Variants in PFKFB3 observed in about 807,000 individuals in gnomAD.
PFKFB3 encodes 6-phosphofructo-2-kinase/fructose-2,6-bisphosphatase 3.
PFKFB3 carries 33 observed loss-of-function variants against 68.0 expected under a neutral mutation model. The ratio of observed to expected loss-of-function variants is 0.49; its 90% CI spans 0.37 to 0.65. The LOEUF is 0.65. Ranked by LOEUF, PFKFB3 falls within the 30% of genes least tolerant of loss-of-function variation. The pLI is 0.00. For missense variants in PFKFB3, 586 were observed against 712.2 expected, an observed-to-expected ratio of 0.82 and a Z score of 2.02; for synonymous variants, 315 against 288.2, an observed-to-expected ratio of 1.09 and a Z score of -0.94.
rs949717562 is a variant in PFKFB3, at chr10:6,233,134, C to T, written c.*192C>T. ...TCGGCCGCTGGACACCAGAAAGCCA[C>T]GTGGGTCCCTGGCGCCCTGCCTTTA... On this transcript the variant is annotated 3_prime_UTR_variant, in exon 15 of 15. Transcript: ENST00000379775. The T allele has an allele frequency of 5.3e-5, 30 of 567,682 alleles. No individual in the cohort carries two copies. Among genetic ancestry groups the T allele is most frequent in the Admixed American group, 1.2e-4 (4 of 33,174 alleles). 35.2% of individuals were successfully genotyped at this position (567,682 alleles called of 1,614,324 possible).
the PFKFB3 span, among the ~76,000 whole-genome samples, chr10:6,318,526 C>G: frequency 7.9e-5 from 12 of 152,312 alleles, no homozygotes; most frequent in South Asian, 2.1e-4. Flanking sequence ...CCTCTGCCTG[C>G]ACGCCCGAGG....
chr10:6,253,314 G>GT (rs1211733563), intron 14 of PFKFB3, among the ~76,000 whole-genome samples: 15 of 152,336 alleles, frequency 9.8e-5, no homozygotes, highest in African/African-American at 3.6e-4. Flanking sequence ...AGGCTTGACT[G>GT]TTAGTCTTCT....
rs1017218260 is a variant in PFKFB3, at chr10:6,196,567, G to A, written c.17-17056G>A. 2.6e-5 allele frequency among the ~76,000 whole-genome samples: 4 copies of A among 152,158 alleles called. No homozygotes were observed. In the South Asian group the frequency reaches 6.2e-4, roughly 24 times the overall value. On this transcript the variant is annotated intron_variant, in intron 1 of 14. Transcript: ENST00000379789. ...CCCAAAGCTGAAGAATTTGGAGTCTGATGTTTGAGGGCAGGAAGCATTCAG... is the reference window on the plus strand; with the variant it reads ...CCCAAAGCTGAAGAATTTGGAGTCTAATGTTTGAGGGCAGGAAGCATTCAG...
At chr10:6,231,469 T>C (rs1314885678) in intron 14 of PFKFB3, 2 of 985,208 alleles carry the variant, frequency 2.0e-6, no homozygotes, top group Non-Finnish European at 2.4e-6. Flanking sequence ...CTAGTCTGTC[T>C]CTCACCCCCC....
the PFKFB3 span, among the ~76,000 whole-genome samples, chr10:6,302,541 C>A: frequency 6.7e-6 from 1 of 150,174 alleles, no homozygotes; most frequent in Admixed American, 6.7e-5. Flanking sequence ...GCCACCACAC[C>A]CAGCTAATTT....
At chr10:6,185,792 AC>A (rs1842854200) in intron 1 of PFKFB3, among the ~76,000 whole-genome samples, 2 of 151,946 alleles carry the variant, frequency 1.3e-5, no homozygotes, top group Middle Eastern at 3.4e-3. Context: ...GGCACCCACC[AC>A]CACGCCCAGC....
intron 1 of PFKFB3, among the ~76,000 whole-genome samples, chr10:6,170,915 G>A (rs887194731): frequency 1.1e-4 from 16 of 152,164 alleles, no homozygotes; most frequent in Non-Finnish European, 1.6e-4. Flanking sequence ...GGTCCCCAGG[G>A]GAAATCTGCC....
Position 6,175,572 on chromosome 10 carries a change from C to T in PFKFB3, c.16+30559C>T, listed in dbSNP as rs149445838. ...AACCTGGCTGGCTGGCTCCAGGGCCCGGGCTCTTATCCGGGAACAGTGTTG... is the reference window on the plus strand; with the variant it reads ...AACCTGGCTGGCTGGCTCCAGGGCCTGGGCTCTTATCCGGGAACAGTGTTG... On this transcript the variant is annotated intron_variant, in intron 1 of 14. Transcript: ENST00000379789. Among the ~76,000 whole-genome samples the T allele has an allele frequency of 1.1e-4, 16 of 152,284 alleles. No homozygotes were observed. In the East Asian group the frequency reaches 1.5e-3, roughly 15 times the overall value.
chr10:6,266,688 A>G, the PFKFB3 span, among the ~76,000 whole-genome samples: 1 of 152,188 alleles, frequency 6.6e-6, no homozygotes, highest in Non-Finnish European at 1.5e-5. Flanking sequence ...ATTCAATGCA[A>G]ATGTTCTTCT....
chr10:6,266,067 G>A, the PFKFB3 span, among the ~76,000 whole-genome samples: 1 of 151,764 alleles, frequency 6.6e-6, no homozygotes, highest in Non-Finnish European at 1.5e-5. Context: ...TGTGCCCCAC[G>A]CCTGGTTATT....
At chr10:6,256,356 AC>A (rs1846496371), downstream of PFKFB3, among the ~76,000 whole-genome samples, 5 of 152,178 alleles carry the variant, frequency 3.3e-5, no homozygotes, top group South Asian at 1.0e-3. Flanking sequence ...AACTGAACCT[AC>A]CTTCAGTTTC....
upstream of PFKFB3, among the ~76,000 whole-genome samples, chr10:6,199,617 TG>T (rs1843267751): frequency 6.7e-6 from 1 of 149,738 alleles, no homozygotes; most frequent in Non-Finnish European, 1.5e-5. Flanking sequence ...CCAAAATAAC[TG>T]GGACCACAGG....
intron 1 of PFKFB3, among the ~76,000 whole-genome samples, chr10:6,158,941 T>C (rs996120228): frequency 6.6e-6 from 1 of 151,786 alleles, no homozygotes; most frequent in African/African-American, 2.4e-5. Context: ...GTTCACACAA[T>C]CATGTTCATA....
At chr10:6,153,731 T>C (rs1459527918) in intron 1 of PFKFB3, among the ~76,000 whole-genome samples, 1 of 152,056 alleles carries the variant, frequency 6.6e-6, no homozygotes, top group Admixed American at 6.5e-5. Flanking sequence ...GGCAGGTGCC[T>C]GTAATCCCAG....
chr10:6,281,559 C>A, the PFKFB3 span, among the ~76,000 whole-genome samples: 148 of 152,144 alleles, frequency 9.7e-4, 1 homozygote, highest in African/African-American at 3.0e-3. Flanking sequence ...TTAAAAAGTG[C>A]CACTTCTCTT....
the PFKFB3 span, among the ~76,000 whole-genome samples, chr10:6,280,745 T>C: frequency 6.6e-6 from 1 of 152,004 alleles, no homozygotes; most frequent in African/African-American, 2.4e-5. Context: ...TGTTCCCTGA[T>C]TGGGAACACT....
chr10:6,254,801 TTC>T (rs1846463918), downstream of PFKFB3, among the ~76,000 whole-genome samples: 1 of 140,932 alleles, frequency 7.1e-6, no homozygotes, highest in Non-Finnish European at 1.5e-5. Flanking sequence ...TCTTATTTTT[TTC>T]TGTTCTTTTT....
chr10:6,306,518 A>G, the PFKFB3 span, among the ~76,000 whole-genome samples: 1 of 152,262 alleles, frequency 6.6e-6, no homozygotes, highest in Non-Finnish European at 1.5e-5. Flanking sequence ...GCTCAGATCA[A>G]CAAGTAGCTG....
At chr10:6,193,508 CAGCTGTCCCTGT>C (rs1218847740) in intron 1 of PFKFB3, among the ~76,000 whole-genome samples, 2 of 152,242 alleles carry the variant, frequency 1.3e-5, no homozygotes, top group Non-Finnish European at 2.9e-5. Flanking sequence ...CAAAGATGAA[CAGCTGTCCCTGT>C]TTCTAAGTTG....
Sources: gnomAD v4.1 joint callset for allele counts (sites outside exome capture counted in the v4.1 genomes callset) on GRCh38, gnomAD v4.1.1 for gene constraint, MANE v1.5 for transcripts, NCBI Gene and HGNC (gene_info 2026-07-23, HGNC 2026-07-21) for gene names.